Variants in RPA1 observed in about 807,000 individuals in gnomAD.
RPA1 encodes replication protein A 70 kDa DNA-binding subunit.
RPA1 carries 49 observed loss-of-function variants against 83.0 expected under a neutral mutation model. The observed-to-expected ratio is 0.59, with a 90% CI of 0.47 to 0.75. The LOEUF is 0.75. Among genes scored for constraint, RPA1 ranks in the 30% least tolerant of loss-of-function variants. RPA1 has a pLI of 0.00. For missense variants in RPA1, 693 were observed against 776.1 expected, an observed-to-expected ratio of 0.89 and a Z score of 1.27; for synonymous variants, 279 against 281.8, an observed-to-expected ratio of 0.99 and a Z score of 0.10.
chr17:1,843,875 G>T (rs758476043), intron 2 of RPA1, 45 bp from the exon 3 acceptor site: 1 of 1,547,042 alleles, frequency 6.5e-7, no homozygotes. Context: ...TATCCCTGGG[G>T]ACGGGGCAGA....
rs375490692 is a variant in RPA1, at chr17:1,877,656, G to A, written c.690+342G>A. ...TTCTAAATATATAAGTAGCCTCCTG[G>A]GCAGGAGAAGCTGGAAACAGTCTGA... is the stretch of plus-strand genomic sequence containing the variant. On this transcript the variant is annotated intron_variant, in intron 8 of 16. Transcript: ENST00000254719. Among the ~76,000 whole-genome samples, 7 of 152,272 alleles carry A rather than the reference G, an allele frequency of 4.6e-5. 1 individual carries two copies. The highest frequency in any genetic ancestry group is 1.7e-4 in the African/African-American group (7 of 41,536).
intron 5 of RPA1, among the ~76,000 whole-genome samples, chr17:1,860,690 G>A (rs1047892648): frequency 4.6e-5 from 7 of 152,122 alleles, no homozygotes; most frequent in African/African-American, 1.7e-4. Context: ...TCTGTGTTAG[G>A]TCCGGATTTG....
intron 1 of RPA1, among the ~76,000 whole-genome samples, chr17:1,836,828 A>G (rs1360844249): frequency 7.9e-6 from 1 of 126,958 alleles, no homozygotes; most frequent in African/African-American, 2.6e-5. Context: ...CTCTTGGCTA[A>G]TTAAAAAAAA....
intron 15 of RPA1, among the ~76,000 whole-genome samples, chr17:1,894,373 G>A (rs765100661): frequency 1.6e-4 from 25 of 152,062 alleles, no homozygotes; most frequent in Non-Finnish European, 3.2e-4. Flanking sequence ...CACCGTGTTG[G>A]CCAGGCTGGT....
chr17:1,875,545 C>G, intron 6 of RPA1, 116 bp from the exon 7 acceptor site: 1 of 1,106,296 alleles, frequency 9.0e-7, no homozygotes. Flanking sequence ...CTTTGCCTCT[C>G]ATGTTATATG....
intron 1 of RPA1, among the ~76,000 whole-genome samples, chr17:1,836,681 C>G (rs1911835768): frequency 6.6e-6 from 1 of 150,598 alleles, no homozygotes; most frequent in Admixed American, 6.6e-5. Flanking sequence ...TTTTTTTTCC[C>G]CAGAGGTAGG....
intron 8 of RPA1, among the ~76,000 whole-genome samples, chr17:1,878,108 G>C (rs752053997): frequency 6.6e-6 from 1 of 152,126 alleles, no homozygotes; most frequent in African/African-American, 2.4e-5. Flanking sequence ...GCAGGTGCCT[G>C]TAGTCCCAGC....
At chr17:1,888,304 CTGTGGCCTT>C (rs1239312010) in intron 13 of RPA1, among the ~76,000 whole-genome samples, 1 of 152,212 alleles carries the variant, frequency 6.6e-6, no homozygotes, top group Non-Finnish European at 1.5e-5. Context: ...TTTCCTAGAT[CTGTGGCCTT>C]TGGAGGGTCA....
At chr17:1,873,764 G>A (rs1157989483) in intron 6 of RPA1, among the ~76,000 whole-genome samples, 1 of 151,700 alleles carries the variant, frequency 6.6e-6, no homozygotes, top group African/African-American at 2.4e-5. Flanking sequence ...CGAGGTGGAC[G>A]GATCACTTGA....
rs1217994497 is a variant in RPA1 at position 1,877,229 on chromosome 17, GTGT to G, written c.607_609del (p.Val203del). 2.9e-5 allele frequency: 47 copies of G among 1,614,058 alleles called. No homozygotes were observed. The highest frequency in any genetic ancestry group is 4.0e-5 in the Non-Finnish European group (47 of 1,180,028). On this transcript the variant is annotated inframe_deletion, in exon 8 of 17. Transcript: ENST00000254719. Reference sequence around the variant, plus strand: ...GTTTGTAGGTGGACCATTTGTGCTCGTGTTACCAACAAAAGTCAGATCCGTACC... The same window carrying G: ...GTTTGTAGGTGGACCATTTGTGCTCGTACCAACAAAAGTCAGATCCGTACC...
intron 6 of RPA1, 110 bp from the exon 7 acceptor site, chr17:1,875,549 TTA>T (rs1913540979): frequency 8.8e-7 from 1 of 1,136,130 alleles, no homozygotes; most frequent in Non-Finnish European, 1.2e-6. Context: ...GCCTCTCATG[TTA>T]TATGATTTCA....
chr17:1,849,458 AATTTTTTGT>A (rs1912396930), intron 4 of RPA1, among the ~76,000 whole-genome samples: 1 of 151,518 alleles, frequency 6.6e-6, no homozygotes. Context: ...ACGCCCGGCT[AATTTTTTGT>A]ATTTTTAGTA....
At position 1,879,061 on chromosome 17, in the gene RPA1, G is replaced by C; in HGVS notation, c.759G>C (p.Lys253Asn). Residue 253 changes from lysine (K) to asparagine (N), a missense_variant and splice_region_variant, in exon 9 of 17, where the codon AAG becomes AAC. Lys to Asn is a moderately conservative substitution (Grantham distance 94). Coordinates refer to ENST00000254719, the MANE Select transcript of RPA1 (RefSeq NM_002945.5). ...TCTTTCCTCTTATTGAAGTGAACAA[G>C]GTATGGCCGTGCTGACTTTAGAACT... ...DKFFPLIEVN[K>N]VYYFSKGTLK... 1 of 1,614,212 alleles carries C rather than the reference G, an allele frequency of 6.2e-7. No homozygotes were observed.
At chr17:1,896,748 C>T (rs1275408715) in intron 16 of RPA1, among the ~76,000 whole-genome samples, 1 of 152,170 alleles carries the variant, frequency 6.6e-6, no homozygotes, top group Non-Finnish European at 1.5e-5. Context: ...AGTCACATGT[C>T]CTCTCTGGGC....
At chr17:1,864,011 A>C (rs1401800802) in intron 5 of RPA1, among the ~76,000 whole-genome samples, 4 of 152,248 alleles carry the variant, frequency 2.6e-5, no homozygotes, top group African/African-American at 7.2e-5. Context: ...TGAAAATATA[A>C]AATCGACTTT....
rs542045836 is a variant in RPA1, at chr17:1,870,943, T to C, written c.362-1491T>C. ...TCTTTATTCTCTTGAATAATATAAT[T>C]CATGAAGCAGGTAAAGATACAGCTT... is the stretch of plus-strand genomic sequence containing the variant. On this transcript the variant is annotated intron_variant, in intron 5 of 16. Coordinates refer to ENST00000254719, the MANE Select transcript of RPA1 (RefSeq NM_002945.5). 1.1e-4 allele frequency among the ~76,000 whole-genome samples: 17 copies of C among 152,314 alleles called. No homozygotes were observed. The South Asian group carries it at 3.1e-3, about 28-fold the overall frequency.
At chr17:1,850,539 A>G (rs1912455378) in intron 4 of RPA1, among the ~76,000 whole-genome samples, 1 of 150,534 alleles carries the variant, frequency 6.6e-6, no homozygotes, top group African/African-American at 2.5e-5. Context: ...TCCGTCTCAA[A>G]AAAAAAAAAG....
chr17:1,892,126 C>A (rs1006021401), intron 15 of RPA1, among the ~76,000 whole-genome samples, 186 bp downstream of exon 15: 2 of 152,048 alleles, frequency 1.3e-5, no homozygotes, highest in East Asian at 3.9e-4. Context: ...CCTGCCCCAG[C>A]CTCCTGAGTA....
At chr17:1,871,946 T>C (rs187098764) in intron 5 of RPA1, among the ~76,000 whole-genome samples, 1 of 152,320 alleles carries the variant, frequency 6.6e-6, no homozygotes, top group East Asian at 1.9e-4. Flanking sequence ...GGTGGAATCC[T>C]TTCTGAATGT....
Sources: gnomAD v4.1 joint callset for allele counts (sites outside exome capture counted in the v4.1 genomes callset) on GRCh38, gnomAD v4.1.1 for gene constraint, MANE v1.5 for transcripts, NCBI Gene and HGNC (gene_info 2026-07-23, HGNC 2026-07-21) for gene names.